The following GPHN variants were observed in gnomAD, a reference collection of about 807,000 sequenced individuals.
GPHN encodes gephyrin.
In GPHN, 17 loss-of-function variants were observed where a neutral mutation model predicts 95.5. That is an observed-to-expected ratio of 0.18 (90% CI 0.12 to 0.27). The LOEUF (loss-of-function observed/expected upper bound fraction) is 0.27, where lower values mean the gene tolerates loss of function less well. Ranked by LOEUF, GPHN falls within the 10% of genes least tolerant of loss-of-function variation. The pLI is 1.00. For missense variants in GPHN, 660 were observed against 978.1 expected, an observed-to-expected ratio of 0.67 and a Z score of 4.34; for synonymous variants, 320 against 322.5, an observed-to-expected ratio of 0.99 and a Z score of 0.08.
At chr14:66,547,473 G>T (rs1278444767) in intron 1 of GPHN, among the ~76,000 whole-genome samples, 1 of 152,154 alleles carries the variant, frequency 6.6e-6, no homozygotes, top group Non-Finnish European at 1.5e-5. Flanking sequence ...GGGCCAAGGG[G>T]AGAAAATATA....
chr14:66,808,326 G>A (rs2060630079), intron 3 of GPHN, among the ~76,000 whole-genome samples: 1 of 152,086 alleles, frequency 6.6e-6, no homozygotes, highest in Non-Finnish European at 1.5e-5. Context: ...CTCCTCGGTT[G>A]TTTGCCTTCT....
At chr14:67,346,893 T>C in the GPHN span, among the ~76,000 whole-genome samples, 1 of 152,212 alleles carries the variant, frequency 6.6e-6, no homozygotes, top group African/African-American at 2.4e-5. Context: ...AGGCCTTATA[T>C]TTTTTAAATA....
intron 4 of GPHN, among the ~76,000 whole-genome samples, chr14:66,864,645 T>C (rs1344479984): frequency 3.3e-5 from 5 of 152,062 alleles, no homozygotes; most frequent in Non-Finnish European, 7.4e-5. Flanking sequence ...TGGTGGCACA[T>C]GCTTGGAATC....
intron 2 of GPHN, among the ~76,000 whole-genome samples, chr14:66,686,767 G>A (rs1207952192): frequency 6.6e-6 from 1 of 152,070 alleles, no homozygotes; most frequent in Non-Finnish European, 1.5e-5. Flanking sequence ...GATTGCCCTG[G>A]CCAGAACTTC....
chr14:66,955,512 T>A (rs2068432935), intron 8 of GPHN, among the ~76,000 whole-genome samples: 1 of 152,202 alleles, frequency 6.6e-6, no homozygotes, highest in African/African-American at 2.4e-5. Flanking sequence ...TTTTTCTCTT[T>A]TTGTCAGCCT....
intron 6 of GPHN, among the ~76,000 whole-genome samples, chr14:66,917,017 C>G (rs2065946040): frequency 6.6e-6 from 1 of 152,132 alleles, no homozygotes; most frequent in Non-Finnish European, 1.5e-5. Context: ...TCCACTAAAG[C>G]CATTACATAC....
the GPHN span, chr14:67,583,930 C>G: frequency 6.2e-7 from 1 of 1,611,684 alleles, no homozygotes; most frequent in Non-Finnish European, 8.5e-7. Flanking sequence ...GGGGAGGTCT[C>G]AGGCCTGGAA....
At chr14:67,641,065 CAG>C in the GPHN span, among the ~76,000 whole-genome samples, 85 of 152,296 alleles carry the variant, frequency 5.6e-4, no homozygotes, top group African/African-American at 2.0e-3. Context: ...CATATAAATT[CAG>C]AGTCAGGAAG....
chr14:67,562,518 G>A, the GPHN span: 1 of 1,610,680 alleles, frequency 6.2e-7, no homozygotes, highest in Non-Finnish European at 8.5e-7. Flanking sequence ...ATGCTCCCTG[G>A]GACAAAGACC....
At chr14:67,212,110 T>C in the GPHN span, among the ~76,000 whole-genome samples, 1 of 152,134 alleles carries the variant, frequency 6.6e-6, no homozygotes, top group Non-Finnish European at 1.5e-5. Flanking sequence ...AGGGAATTCC[T>C]TGAAAGAGTA....
At chr14:67,439,589 CTTTCTTCT>C in the GPHN span, among the ~76,000 whole-genome samples, 2 of 123,588 alleles carry the variant, frequency 1.6e-5, no homozygotes, top group South Asian at 2.7e-4. Flanking sequence ...TTCTTTCTTT[CTTTCTTCT>C]TTCTTTTTTG....
the GPHN span, among the ~76,000 whole-genome samples, chr14:67,417,741 T>G: frequency 3.7e-4 from 55 of 150,310 alleles, no homozygotes; most frequent in African/African-American, 1.3e-3. Context: ...GTTTGGATTT[T>G]TTGTTGCTGC....
intron 18 of GPHN, among the ~76,000 whole-genome samples, chr14:67,144,251 ATATATATATATATATAT>A (rs1286827120): frequency 9.7e-5 from 4 of 41,266 alleles, no homozygotes; most frequent in African/African-American, 2.3e-4. Flanking sequence ...AAAAAAAAAA[ATATATATATATATATAT>A]ATATATATAT....
At chr14:67,301,194 G>GT in the GPHN span, among the ~76,000 whole-genome samples, 8 of 151,948 alleles carry the variant, frequency 5.3e-5, no homozygotes, top group South Asian at 1.0e-3. Flanking sequence ...ATTATTTAGT[G>GT]TTTTTTTAAT....
At position 67,143,369 on chromosome 14, in the gene GPHN, G is replaced by T; in HGVS notation, c.1756G>T (p.Asp586Tyr). The change falls in exon 18 of 23, where the codon GAC becomes TAC. Residue 586 changes from aspartate to tyrosine, a missense_variant. This residue lies in a region of GPHN where 257 missense variants were observed against 376.2 expected (regional missense o/e 0.68). Transcript: ENST00000478722. ...NLGIVGDNPD[D>Y]LLNALNEGIS... is the part of the protein sequence containing the mutation. ...GTCTTTATTTTTTTCCAGCCCAGAT[G>T]ACTTACTCAATGCCTTGAATGAGGG... The T allele has an allele frequency of 6.2e-7, 1 of 1,604,270 alleles. No homozygotes were observed. Among genetic ancestry groups the T allele is most frequent in the South Asian group, 1.1e-5 (1 of 90,802 alleles).
intron 8 of GPHN, among the ~76,000 whole-genome samples, chr14:66,957,502 T>G (rs117993937): frequency 0.017 from 2,564 of 152,194 alleles, 40 homozygotes; most frequent in Non-Finnish European, 0.028. Context: ...GGTCCCAAAT[T>G]TCTTTCTGTT....
the GPHN span, among the ~76,000 whole-genome samples, chr14:67,263,991 G>A: frequency 6.6e-6 from 1 of 152,042 alleles, no homozygotes; most frequent in Admixed American, 6.5e-5. Context: ...GTGAACTCCT[G>A]GGCTTAAGTG....
intron 4 of GPHN, among the ~76,000 whole-genome samples, chr14:66,857,809 C>T (rs551738549): frequency 2.0e-5 from 3 of 152,294 alleles, no homozygotes; most frequent in East Asian, 1.9e-4. Context: ...AGTCATACCC[C>T]AGCAGCAACT....
At chr14:67,383,556 C>CT in the GPHN span, 67 of 1,426,454 alleles carry the variant, frequency 4.7e-5, no homozygotes, top group African/African-American at 9.3e-4. Flanking sequence ...TTTTTTATTT[C>CT]TAAGTATTTA....
Sources: gnomAD v4.1 joint callset for allele counts (sites outside exome capture counted in the v4.1 genomes callset) on GRCh38, gnomAD v4.1.1 for gene constraint, gnomAD v4.1.1 regional missense constraint, MANE v1.5 for transcripts, NCBI Gene and HGNC (gene_info 2026-07-23, HGNC 2026-07-21) for gene names.